CNTN5: variants seen among roughly 807,000 people sequenced by gnomAD.
CNTN5 encodes contactin 5, also known as contactin-5.
In CNTN5, 77 loss-of-function variants were observed where a neutral mutation model predicts 129.1. The observed-to-expected ratio is 0.60, with a 90% confidence interval of 0.50 to 0.72. The LOEUF (loss-of-function observed/expected upper bound fraction) is 0.72, where lower values mean the gene tolerates loss of function less well. CNTN5 is among the 30% of genes least tolerant of loss of function. CNTN5 has a pLI of 0.00. For synonymous variants in CNTN5, 509 were observed against 465.6 expected, an observed-to-expected ratio of 1.09 and a Z score of -1.20; for missense variants, 1,478 against 1,328.8, an observed-to-expected ratio of 1.11 and a Z score of -1.75.
chr11:99,285,130 G>A (rs1565462358), intron 1 of CNTN5, among the ~76,000 whole-genome samples: 2 of 152,074 alleles, frequency 1.3e-5, no homozygotes, highest in East Asian at 3.8e-4. Context: ...TAGCCTTCCA[G>A]GTAGGCACCT....
intron 2 of CNTN5, among the ~76,000 whole-genome samples, chr11:99,402,133 T>G (rs1941844744): frequency 6.6e-6 from 1 of 152,172 alleles, no homozygotes; most frequent in African/African-American, 2.4e-5. Context: ...TAGTGAGGAT[T>G]GTTGTCATGT....
chr11:100,282,213 C>T (rs370255974), intron 18 of CNTN5, among the ~76,000 whole-genome samples: 4 of 152,074 alleles, frequency 2.6e-5, no homozygotes, highest in African/African-American at 9.7e-5. Context: ...GCAGGCTGGG[C>T]TTGTTTGTAA....
intron 3 of CNTN5, among the ~76,000 whole-genome samples, chr11:99,770,820 T>C (rs1414803809): frequency 6.6e-6 from 1 of 152,090 alleles, no homozygotes; most frequent in African/African-American, 2.4e-5. Flanking sequence ...AAAATTTGTA[T>C]GGAAACATAA....
intron 13 of CNTN5, among the ~76,000 whole-genome samples, chr11:100,105,315 G>A (rs1945385430): frequency 6.6e-6 from 1 of 151,812 alleles, no homozygotes; most frequent in Non-Finnish European, 1.5e-5. Context: ...TTTAGCAGGT[G>A]TTTTTAAGAG....
chr11:99,616,722 G>GAT (rs1434128972), intron 3 of CNTN5, among the ~76,000 whole-genome samples: 2 of 152,160 alleles, frequency 1.3e-5, no homozygotes, highest in Non-Finnish European at 2.9e-5. Context: ...TATAGATGAT[G>GAT]ATACAGATGA....
At chr11:100,276,527 C>CAAAA (rs56774234) in intron 18 of CNTN5, among the ~76,000 whole-genome samples, 1 of 70,080 alleles carries the variant, frequency 1.4e-5, no homozygotes, top group Non-Finnish European at 2.7e-5. Flanking sequence ...GAGACTCTCT[C>CAAAA]AAAAAAAAAA....
rs1945172315 is a variant in CNTN5, at chr11:100,100,211, C to A, written c.1580+25917C>A. Among the ~76,000 whole-genome samples, 3 of 152,026 alleles carry A rather than the reference C, an allele frequency of 2.0e-5. No homozygotes were observed. The South Asian group carries it at 6.2e-4, about 32-fold the overall frequency. ...AAATTCTGCACGGGGATCTGAAGTG[C>A]TTTTGTTTGAGGCCCTGTGTTTTTG... On this transcript the variant is annotated intron_variant, in intron 13 of 24. Coordinates refer to ENST00000524871, the MANE Select transcript of CNTN5 (RefSeq NM_014361.4).
intron 8 of CNTN5, among the ~76,000 whole-genome samples, chr11:99,993,007 C>T (rs1227803925): frequency 1.3e-5 from 2 of 152,168 alleles, no homozygotes; most frequent in Non-Finnish European, 2.9e-5. Context: ...CAAAGAGCTA[C>T]CTTGACTGAA....
At chr11:100,082,782 G>T (rs1004060961) in intron 13 of CNTN5, among the ~76,000 whole-genome samples, 3 of 152,136 alleles carry the variant, frequency 2.0e-5, no homozygotes, top group Non-Finnish European at 2.9e-5. Flanking sequence ...TTATCTCTGA[G>T]AAGAGGATTA....
chr11:99,460,532 A>G (rs926668223), intron 2 of CNTN5, among the ~76,000 whole-genome samples: 1 of 152,042 alleles, frequency 6.6e-6, no homozygotes, highest in Non-Finnish European at 1.5e-5. Flanking sequence ...TACAAAGTTT[A>G]AACTTTAAAT....
At chr11:99,913,302 C>A (rs994481474) in intron 6 of CNTN5, among the ~76,000 whole-genome samples, 2 of 151,976 alleles carry the variant, frequency 1.3e-5, no homozygotes, top group Non-Finnish European at 2.9e-5. Flanking sequence ...CTTAGATCAA[C>A]CATCATCTTG....
intron 1 of CNTN5, among the ~76,000 whole-genome samples, chr11:99,265,814 A>G (rs1419135253): frequency 6.6e-6 from 1 of 152,092 alleles, no homozygotes; most frequent in Non-Finnish European, 1.5e-5. Flanking sequence ...AGGCTTTAAA[A>G]TAATAAAATC....
intron 16 of CNTN5, among the ~76,000 whole-genome samples, chr11:100,240,349 G>A (rs751701059): frequency 1.2e-4 from 18 of 152,070 alleles, no homozygotes; most frequent in Admixed American, 7.9e-4. Flanking sequence ...CACTGTCACC[G>A]TATGACAGCA....
At chr11:99,855,601 T>C (rs1157427952) in intron 6 of CNTN5, among the ~76,000 whole-genome samples, 1 of 152,152 alleles carries the variant, frequency 6.6e-6, no homozygotes, top group Non-Finnish European at 1.5e-5. Flanking sequence ...AGAGAGTCCA[T>C]CTAGAGGATG....
chr11:100,003,445 A>G (rs773802007), intron 9 of CNTN5, among the ~76,000 whole-genome samples: 2 of 152,178 alleles, frequency 1.3e-5, no homozygotes, highest in Non-Finnish European at 2.9e-5. Context: ...TGACAAATGC[A>G]AAAATAATAT....
chr11:100,253,790 C>A lies in CNTN5; in HGVS notation c.2006-1970C>A, dbSNP rs116844857. On this transcript the variant is annotated intron_variant, in intron 16 of 24. Coordinates refer to ENST00000524871, the MANE Select transcript of CNTN5 (RefSeq NM_014361.4). ...GCAATAGACATATTTTTTCATAAAT[C>A]CTAGACCTTATAAACCCTGTAATAA... Among the ~76,000 whole-genome samples, 514 of 152,194 alleles carry A rather than the reference C, an allele frequency of 3.4e-3. 14 individuals carry two copies. In the East Asian group the frequency reaches 0.041, roughly 12 times the overall value.
At chr11:99,772,359 T>C (rs1179979500) in intron 3 of CNTN5, among the ~76,000 whole-genome samples, 1 of 152,106 alleles carries the variant, frequency 6.6e-6, no homozygotes, top group African/African-American at 2.4e-5. Flanking sequence ...TACATTTTTC[T>C]TGTTTTATTT....
At chr11:99,815,984 T>C (rs931505546) in intron 3 of CNTN5, among the ~76,000 whole-genome samples, 4 of 152,138 alleles carry the variant, frequency 2.6e-5, no homozygotes, top group Admixed American at 1.3e-4. Context: ...CATAACATTA[T>C]TCACTTCCTT....
At chr11:99,410,626 C>G (rs1186266789) in intron 2 of CNTN5, among the ~76,000 whole-genome samples, 3 of 152,186 alleles carry the variant, frequency 2.0e-5, no homozygotes, top group Non-Finnish European at 4.4e-5. Context: ...GAAAGTACTA[C>G]TCAAATTCTC....
Sources: gnomAD v4.1 joint callset for allele counts (sites outside exome capture counted in the v4.1 genomes callset) on GRCh38, gnomAD v4.1.1 for gene constraint, MANE v1.5 for transcripts, NCBI Gene and HGNC (gene_info 2026-07-23, HGNC 2026-07-21) for gene names.